Variants in PDE1A observed in about 807,000 individuals in gnomAD.
PDE1A encodes the protein dual specificity calcium/calmodulin-dependent 3',5'-cyclic nucleotide phosphodiesterase 1A.
A neutral mutation model predicts 61.7 loss-of-function variants in PDE1A; 35 were observed. The ratio of observed to expected loss-of-function variants is 0.57; its 90% CI spans 0.43 to 0.75. The LOEUF is 0.75. Ranked by LOEUF, PDE1A falls within the 30% of genes least tolerant of loss-of-function variation. PDE1A has a pLI of 0.00. For missense variants in PDE1A, 597 were observed against 630.6 expected (o/e 0.95, Z 0.57); for synonymous variants, 232 against 213.2 (o/e 1.09, Z -0.77).
intron 3 of PDE1A, 45 bp from the exon 4 acceptor site, chr2:182,234,543 A>G (rs1574098126): frequency 8.0e-7 from 1 of 1,244,682 alleles, no homozygotes; most frequent in Non-Finnish European, 1.2e-6. Flanking sequence ...TCATTTATTC[A>G]AAGTTTTCAA....
the PDE1A span, among the ~76,000 whole-genome samples, chr2:182,698,921 A>G: frequency 6.6e-6 from 1 of 152,192 alleles, no homozygotes; most frequent in African/African-American, 2.4e-5. Context: ...GAACATAAGA[A>G]CACAGTGCAT....
intron 2 of PDE1A, among the ~76,000 whole-genome samples, chr2:182,516,773 GAAAGAAAGAA>G (rs1464421208): frequency 3.3e-5 from 4 of 120,574 alleles, no homozygotes; most frequent in East Asian, 2.7e-4. Context: ...AAGAAAGAAA[GAAAGAAAGAA>G]AAAGAAAGAA....
chr2:182,227,771 T>C lies in PDE1A; in HGVS notation c.675+2235A>G, dbSNP rs537396421. Among the ~76,000 whole-genome samples the C allele has an allele frequency of 3.3e-5, 5 of 152,182 alleles. No homozygotes were observed. In the South Asian group the frequency reaches 1.0e-3, roughly 31 times the overall value. ...ACTGCTTCCTGAGTCCATGCTCTCT[T>C]TCCTCTTCCAAACAGTATCATATTG... On this transcript the variant is annotated intron_variant, in intron 6 of 13. Coordinates refer to ENST00000351439, the Ensembl canonical transcript of PDE1A.
At chr2:182,358,576 A>G (rs1699327052) in intron 1 of PDE1A, among the ~76,000 whole-genome samples, 1 of 152,048 alleles carries the variant, frequency 6.6e-6, no homozygotes, top group African/African-American at 2.4e-5. Context: ...TTATTTCACA[A>G]TATTTATCAT....
intron 1 of PDE1A, among the ~76,000 whole-genome samples, chr2:182,422,045 C>G (rs1469182072): frequency 6.6e-6 from 1 of 152,148 alleles, no homozygotes; most frequent in Admixed American, 6.6e-5. Context: ...GAAGAAACAG[C>G]GTGATCTGAA....
intron 2 of PDE1A, among the ~76,000 whole-genome samples, chr2:182,444,293 T>A (rs935489162): frequency 6.6e-6 from 1 of 152,314 alleles, no homozygotes; most frequent in South Asian, 2.1e-4. Context: ...TATCTCTTGC[T>A]TCTAGAAGTC....
At chr2:182,627,025 A>ATATATTATTATATTTAT in the PDE1A span, among the ~76,000 whole-genome samples, 16 of 23,196 alleles carry the variant, frequency 6.9e-4, no homozygotes, top group South Asian at 1.7e-3. Flanking sequence ...TTATATATAA[A>ATATATTATTATATTTAT]ATATAAATAT....
In PDE1A at chr2:182,207,009, G is replaced by A. The variant is rs902417966; in HGVS notation, c.777-944C>T. On this transcript the variant is annotated intron_variant, in intron 7 of 13. Transcript: ENST00000351439. ...TTGATATGTTACTGAGTCTCAGGTAGTTCTTTATAGCAGTATGAGAATGGA... is the reference window on the plus strand; with the variant it reads ...TTGATATGTTACTGAGTCTCAGGTAATTCTTTATAGCAGTATGAGAATGGA... 3.3e-5 allele frequency among the ~76,000 whole-genome samples: 5 copies of A among 152,182 alleles called. No individual in the cohort carries two copies. The East Asian group carries it at 9.6e-4, about 29-fold the overall frequency.
chr2:182,246,570 T>A (rs546820253), intron 2 of PDE1A, among the ~76,000 whole-genome samples: 1 of 151,638 alleles, frequency 6.6e-6, no homozygotes, highest in East Asian at 1.9e-4. Context: ...CCCAGCTAAT[T>A]TTTTGTATTT....
In PDE1A at chr2:182,380,873, C is replaced by T. The variant is rs373882406; in HGVS notation, c.53+45705G>A. Among the ~76,000 whole-genome samples the T allele has an allele frequency of 5.9e-5, 9 of 152,240 alleles. 1 individual carries two copies. Among genetic ancestry groups the T allele is most frequent in the African/African-American group, 2.2e-4 (9 of 41,516 alleles). On this transcript the variant is annotated intron_variant, in intron 1 of 13. Coordinates refer to ENST00000351439, the Ensembl canonical transcript of PDE1A. ...GAATGAACCTCAGCTGGGCCATGACCAGTTACTATGCTGAAGAGCACTAAA... is the reference window on the plus strand; with the variant it reads ...GAATGAACCTCAGCTGGGCCATGACTAGTTACTATGCTGAAGAGCACTAAA...
chr2:182,152,055 A>T (rs899645442), intron 13 of PDE1A, among the ~76,000 whole-genome samples: 1 of 152,216 alleles, frequency 6.6e-6, no homozygotes, highest in South Asian at 2.1e-4. Context: ...AAAATACCAC[A>T]AAATTGGTTT....
At chr2:182,156,496 T>C (rs1691088743) in intron 13 of PDE1A, among the ~76,000 whole-genome samples, 1 of 152,118 alleles carries the variant, frequency 6.6e-6, no homozygotes. Flanking sequence ...TATCTATTGA[T>C]TGGAAAGGGC....
At chr2:182,208,381 C>T (rs1687293615) in intron 7 of PDE1A, among the ~76,000 whole-genome samples, 1 of 152,106 alleles carries the variant, frequency 6.6e-6, no homozygotes, top group Non-Finnish European at 1.5e-5. Context: ...GATGCTGCCA[C>T]TTTTAAACCA....
the PDE1A span, among the ~76,000 whole-genome samples, chr2:182,600,164 TA>T: frequency 2.5e-3 from 382 of 152,318 alleles, 4 homozygotes; most frequent in South Asian, 0.024. Flanking sequence ...AGCTGATTAT[TA>T]AAAAAATAAG....
intron 8 of PDE1A, among the ~76,000 whole-genome samples, chr2:182,202,687 T>G (rs1219088214): frequency 6.6e-6 from 1 of 152,110 alleles, no homozygotes; most frequent in Admixed American, 6.6e-5. Flanking sequence ...TGTTTAAGCT[T>G]TTGGGATCTG....
chr2:182,187,498 TA>T (rs1178251299), intron 11 of PDE1A, among the ~76,000 whole-genome samples: 1 of 152,260 alleles, frequency 6.6e-6, no homozygotes, highest in East Asian at 1.9e-4. Context: ...TATAGGAGAA[TA>T]GCTGGAGGTA....
intron 1 of PDE1A, among the ~76,000 whole-genome samples, chr2:182,280,237 T>C (rs1693712452): frequency 1.3e-5 from 2 of 151,854 alleles, no homozygotes; most frequent in Non-Finnish European, 2.9e-5. Context: ...CATTTACATC[T>C]TCCAAATATC....
chr2:182,453,445 A>T (rs1264366399), intron 2 of PDE1A, among the ~76,000 whole-genome samples: 4 of 152,006 alleles, frequency 2.6e-5, no homozygotes, highest in Non-Finnish European at 4.4e-5. Flanking sequence ...AAAAAAAAAA[A>T]TCTGTGTGCA....
intron 7 of PDE1A, among the ~76,000 whole-genome samples, chr2:182,207,607 A>G (rs1687220686): frequency 6.6e-6 from 1 of 152,220 alleles, no homozygotes; most frequent in South Asian, 2.1e-4. Context: ...CATGAGGTAG[A>G]AAAGAAAAAC....
Sources: allele counts gnomAD v4.1 joint callset (sites outside exome capture counted in the v4.1 genomes callset), GRCh38; gene constraint gnomAD v4.1.1; transcripts MANE v1.5; gene names NCBI Gene and HGNC (gene_info 2026-07-23, HGNC 2026-07-21).